The following SGCZ variants were observed in gnomAD, a reference collection of about 807,000 sequenced individuals.
The protein encoded by SGCZ is sarcoglycan zeta.
Under a neutral mutation model 41.3 loss-of-function variants are expected in SGCZ, and 40 were observed. That is an observed-to-expected ratio of 0.97 (90% CI 0.75 to 1.26). SGCZ has a LOEUF of 1.26. Ranked by LOEUF, SGCZ falls within the 50% of genes most tolerant of loss-of-function variation. SGCZ has a pLI of 0.00. For missense variants in SGCZ, 552 were observed against 369.8 expected (o/e 1.49, Z -4.04); for synonymous variants, 206 against 137.5 (o/e 1.50, Z -3.49).
At chr8:14,443,467 A>T (rs551879076) in intron 2 of SGCZ, among the ~76,000 whole-genome samples, 1 of 152,254 alleles carries the variant, frequency 6.6e-6, no homozygotes, top group South Asian at 2.1e-4. Context: ...ACAGAGATAT[A>T]GATCAATGGA....
At position 14,788,851 on chromosome 8, in the gene SGCZ, C is replaced by T. The variant is rs181933704; in HGVS notation, c.40-233925G>A. 3.3e-5 allele frequency among the ~76,000 whole-genome samples: 5 copies of T among 152,234 alleles called. No individual in the cohort carries two copies. In the East Asian group the frequency reaches 5.8e-4, roughly 18 times the overall value. ...TTAGACCAGGCACAGTGGCTCACACCTGTAACCCCAGTGCTTTGGGTAGCC... is the reference window on the plus strand; with the variant it reads ...TTAGACCAGGCACAGTGGCTCACACTTGTAACCCCAGTGCTTTGGGTAGCC... On this transcript the variant is annotated intron_variant, in intron 1 of 7. Transcript: ENST00000382080.
At chr8:14,673,070 C>T (rs1406917000) in intron 1 of SGCZ, among the ~76,000 whole-genome samples, 1 of 152,252 alleles carries the variant, frequency 6.6e-6, no homozygotes, top group African/African-American at 2.4e-5. Flanking sequence ...TCTAGATTAC[C>T]CACCTCAAAT....
At chr8:14,325,741 CACACACATATATATATATATATAT>C (rs1563258431) in intron 2 of SGCZ, among the ~76,000 whole-genome samples, 2 of 32,054 alleles carry the variant, frequency 6.2e-5, no homozygotes, top group Non-Finnish European at 7.1e-5. Context: ...CACACACACA[CACACACATATATATATATATATAT>C]ATATATATAT....
chr8:15,232,475 A>C (rs1801974840), intron 1 of SGCZ, among the ~76,000 whole-genome samples: 1 of 151,974 alleles, frequency 6.6e-6, no homozygotes, highest in South Asian at 2.1e-4. Flanking sequence ...CCAACTTCCC[A>C]CAAATGTATT....
intron 2 of SGCZ, among the ~76,000 whole-genome samples, chr8:14,546,557 A>T (rs1395730982): frequency 2.0e-5 from 3 of 152,170 alleles, no homozygotes; most frequent in Non-Finnish European, 2.9e-5. Flanking sequence ...TCATAAATGT[A>T]GTCATACTTG....
rs143822633 is a variant in SGCZ, at chr8:15,172,637, T to C, written c.39+64948A>G. 7.8e-3 allele frequency among the ~76,000 whole-genome samples: 1,193 copies of C among 152,268 alleles called. 20 individuals are homozygous for C. The highest frequency in any genetic ancestry group is 0.027 in the African/African-American group (1,127 of 41,552). On this transcript the variant is annotated intron_variant, in intron 1 of 7. Coordinates refer to ENST00000382080, the MANE Select transcript of SGCZ (RefSeq NM_139167.4). ...TATTAACGAAATACCAAAGAAACTC[T>C]TGTCAAATATCAAAAGGAGTGACTT...
chr8:14,745,436 T>C (rs1799314254), intron 1 of SGCZ, among the ~76,000 whole-genome samples: 1 of 152,066 alleles, frequency 6.6e-6, no homozygotes, highest in African/African-American at 2.4e-5. Flanking sequence ...TATTTTTCCT[T>C]AGCCAGGAAT....
chr8:14,540,479 T>G (rs1214058479), intron 2 of SGCZ, among the ~76,000 whole-genome samples: 1 of 151,836 alleles, frequency 6.6e-6, no homozygotes, highest in Non-Finnish European at 1.5e-5. Flanking sequence ...TATCTCTATA[T>G]CTTTCGTCTT....
At chr8:14,406,099 T>A (rs550066653) in intron 2 of SGCZ, among the ~76,000 whole-genome samples, 1 of 117,220 alleles carries the variant, frequency 8.5e-6, no homozygotes, top group Non-Finnish European at 1.6e-5. Context: ...ACTGCTTGCT[T>A]AAGTAAACTA....
rs73531129 is a variant in SGCZ, at chr8:14,747,631, T to C, written c.40-192705A>G. 9.4e-4 allele frequency among the ~76,000 whole-genome samples: 142 copies of C among 150,908 alleles called. 3 individuals carry two copies. The highest frequency in any genetic ancestry group is 3.3e-3 in the African/African-American group (137 of 41,118). ...ATTAAAATGACATATTCTGCAATGT[T>C]GTACCTGGTACAGGGAAAGGGTACA... On this transcript the variant is annotated intron_variant, in intron 1 of 7. Transcript: ENST00000382080.
chr8:15,176,307 T>A (rs1188662242), intron 1 of SGCZ, among the ~76,000 whole-genome samples: 1 of 152,180 alleles, frequency 6.6e-6, no homozygotes, highest in East Asian at 1.9e-4. Flanking sequence ...TAGGATTTTA[T>A]TATATTTCTT....
chr8:15,076,926 C>T (rs192587983), intron 1 of SGCZ, among the ~76,000 whole-genome samples: 20 of 152,222 alleles, frequency 1.3e-4, no homozygotes, highest in Non-Finnish European at 2.1e-4. Context: ...ATAGAATATG[C>T]TTCATGTCAA....
At chr8:14,847,122 G>T (rs953182673) in intron 1 of SGCZ, among the ~76,000 whole-genome samples, 1 of 102,940 alleles carries the variant, frequency 9.7e-6, no homozygotes, top group Non-Finnish European at 2.1e-5. Flanking sequence ...AGAAGAAGAA[G>T]AAGAAAGAAG....
chr8:14,447,777 G>T (rs990561407), intron 2 of SGCZ, among the ~76,000 whole-genome samples: 2 of 152,130 alleles, frequency 1.3e-5, no homozygotes, highest in African/African-American at 4.8e-5. Context: ...TCTCGGCAAT[G>T]CTTTGAAGTA....
intron 1 of SGCZ, among the ~76,000 whole-genome samples, chr8:15,130,519 C>T (rs1807858288): frequency 6.6e-6 from 1 of 152,194 alleles, no homozygotes; most frequent in East Asian, 1.9e-4. Context: ...CTAAACTGCA[C>T]TAAGCTAAAC....
At chr8:14,364,943 T>A (rs867233378) in intron 2 of SGCZ, among the ~76,000 whole-genome samples, 7 of 152,106 alleles carry the variant, frequency 4.6e-5, no homozygotes, top group Admixed American at 6.6e-5. Flanking sequence ...ACAAAATAAT[T>A]CTTCTACATT....
chr8:14,554,842 A>T lies in SGCZ; in HGVS notation c.124T>A (p.Tyr42Asn). Residue 42 changes from tyrosine (Y) to asparagine (N), a missense_variant, in exon 2 of 8, where the codon TAT becomes AAT. Physicochemically the swap from Tyr to Asn is moderately radical, Grantham distance 143. Coordinates refer to ENST00000382080, the MANE Select transcript of SGCZ (RefSeq NM_139167.4). ...ENAQLYPVGIYGWRKRCLYFF... is the reference protein window; with the variant it reads ...ENAQLYPVGINGWRKRCLYFF... ...TATAAGCACCTCTTTCGCCATCCAT[A>T]AATTCCCACTGGGTAAAGTTGTGCA... is the stretch of plus-strand genomic sequence containing the variant. The T allele has an allele frequency of 1.2e-6, 2 of 1,613,386 alleles. No individual in the cohort carries two copies. The highest frequency in any genetic ancestry group is 1.7e-6 in the Non-Finnish European group (2 of 1,179,570).
chr8:14,570,513 T>A (rs1478412117), intron 1 of SGCZ, among the ~76,000 whole-genome samples: 2 of 152,240 alleles, frequency 1.3e-5, no homozygotes, highest in African/African-American at 4.8e-5. Context: ...TGGAAATGTA[T>A]AACAGCTTAT....
chr8:15,161,869 T>A (rs560810974), intron 1 of SGCZ, among the ~76,000 whole-genome samples: 306 of 152,202 alleles, frequency 2.0e-3, no homozygotes, highest in Non-Finnish European at 3.5e-3. Context: ...ACCCCATATC[T>A]ATAAAAATTA....
Sources: gnomAD v4.1 joint callset for allele counts (sites outside exome capture counted in the v4.1 genomes callset) on GRCh38, gnomAD v4.1.1 for gene constraint, MANE v1.5 for transcripts, NCBI Gene and HGNC (gene_info 2026-07-23, HGNC 2026-07-21) for gene names.